KLHL29: variants seen among roughly 807,000 people sequenced by gnomAD.
KLHL29 encodes the protein kelch like family member 29.
A neutral mutation model predicts 80.4 loss-of-function variants in KLHL29; 21 were observed. The ratio of observed to expected loss-of-function variants is 0.26; its 90% confidence interval spans 0.19 to 0.38. The LOEUF is 0.38. Ranked by LOEUF, KLHL29 falls within the 10% of genes least tolerant of loss-of-function variation. The pLI, the probability that KLHL29 is intolerant of heterozygous loss-of-function variation, is 1.00. For synonymous variants in KLHL29, 511 were observed against 526.8 expected (o/e 0.97, Z 0.41); for missense variants, 867 against 1,223.9 (o/e 0.71, Z 4.35).
At chr2:23,492,406 C>T (rs1239639179) in intron 2 of KLHL29, among the ~76,000 whole-genome samples, 1 of 152,168 alleles carries the variant, frequency 6.6e-6, no homozygotes, top group African/African-American at 2.4e-5. Context: ...CTTCTGAAAA[C>T]CCCTGCACCC....
At chr2:23,410,030 T>A (rs1205930201) in intron 1 of KLHL29, among the ~76,000 whole-genome samples, 1 of 152,140 alleles carries the variant, frequency 6.6e-6, no homozygotes, top group Non-Finnish European at 1.5e-5. Flanking sequence ...TCAGAGAAAC[T>A]GGCATTAAGA....
intron 5 of KLHL29, among the ~76,000 whole-genome samples, chr2:23,662,059 A>G (rs1078345): frequency 0.16 from 24,219 of 152,216 alleles, 2,251 homozygotes; most frequent in Middle Eastern, 0.22. Context: ...ACTGAAGCAC[A>G]AGCTCCAGGT....
chr2:23,438,546 T>G (rs1299210089), intron 1 of KLHL29, among the ~76,000 whole-genome samples: 4 of 150,018 alleles, frequency 2.7e-5, no homozygotes, highest in Admixed American at 2.0e-4. Flanking sequence ...GTCAAAGGCC[T>G]TTTCTGCATC....
Position 23,703,346 on chromosome 2 carries a change from A to C in KLHL29, c.2266A>C (p.Asn756His). Residue 756 changes from asparagine to histidine, a missense_variant, in exon 12 of 14, where the codon AAC becomes CAC. Physicochemically the swap from Asn to His is moderately conservative, Grantham distance 68. This residue lies in a region of KLHL29 where 443 missense variants were observed against 767.0 expected (regional missense o/e 0.58). Coordinates refer to ENST00000486442, the MANE Select transcript of KLHL29 (RefSeq NM_052920.2). ...CCTCCAGTCTTACGTTCCTCAGACC[A>C]ACACGTGGAGCTTCATCGAGTCCCC... ...GVLQSYVPQT[N>H]TWSFIESPMI... The C allele has an allele frequency of 6.5e-7, 1 of 1,531,162 alleles. No homozygotes were observed. Among genetic ancestry groups the C allele is most frequent in the Non-Finnish European group, 8.8e-7 (1 of 1,139,026 alleles). 94.8% of individuals were successfully genotyped at this position (1,531,162 alleles called of 1,614,324 possible).
chr2:23,525,971 A>G (rs933543406), intron 2 of KLHL29, among the ~76,000 whole-genome samples: 1 of 152,202 alleles, frequency 6.6e-6, no homozygotes, highest in East Asian at 1.9e-4. Context: ...GGCCATGGCA[A>G]GTCACGTCCC....
At chr2:23,423,067 G>C (rs894574543) in intron 1 of KLHL29, among the ~76,000 whole-genome samples, 26 of 152,386 alleles carry the variant, frequency 1.7e-4, no homozygotes, top group African/African-American at 6.3e-4. Flanking sequence ...GGGCCTGGCT[G>C]TCATGGAGCC....
At chr2:23,515,745 T>G (rs1665901725) in intron 2 of KLHL29, among the ~76,000 whole-genome samples, 1 of 152,192 alleles carries the variant, frequency 6.6e-6, no homozygotes, top group Admixed American at 6.5e-5. Context: ...ATTGTATTAA[T>G]ACACAATTGT....
intron 2 of KLHL29, among the ~76,000 whole-genome samples, chr2:23,522,731 G>T (rs1666143295): frequency 6.6e-6 from 1 of 152,110 alleles, no homozygotes; most frequent in Non-Finnish European, 1.5e-5. Context: ...TCCAACCCAA[G>T]CCCTGAGTCT....
chr2:23,472,590 C>T (rs980840270), intron 1 of KLHL29, among the ~76,000 whole-genome samples: 2 of 152,128 alleles, frequency 1.3e-5, no homozygotes, highest in African/African-American at 2.4e-5. Context: ...GCCAAGATTG[C>T]GCCACTGCAC....
intron 1 of KLHL29, among the ~76,000 whole-genome samples, chr2:23,435,379 G>T (rs1663309399): frequency 6.6e-6 from 1 of 152,182 alleles, no homozygotes; most frequent in African/African-American, 2.4e-5. Flanking sequence ...TCAAGTGGAG[G>T]CTGAGCTAGG....
Position 23,525,669 on chromosome 2 carries a change from C to T in KLHL29, c.-45-36483C>T, listed in dbSNP as rs148001434. On this transcript the variant is annotated intron_variant, in intron 2 of 13. Coordinates refer to ENST00000486442, the MANE Select transcript of KLHL29 (RefSeq NM_052920.2). Reference sequence around the variant, plus strand: ...TTTGCCCTGCCTGGGAAGAGTAAGGCATGGAACCTGCTGGGACTTTCCTCG... The same window carrying T: ...TTTGCCCTGCCTGGGAAGAGTAAGGTATGGAACCTGCTGGGACTTTCCTCG... 6.2e-3 allele frequency among the ~76,000 whole-genome samples: 930 copies of T among 151,140 alleles called. 8 individuals are homozygous for T. Among genetic ancestry groups the T allele is most frequent in the African/African-American group, 0.021 (865 of 41,254 alleles).
At chr2:23,470,830 C>T (rs1391906694) in intron 1 of KLHL29, among the ~76,000 whole-genome samples, 2 of 152,290 alleles carry the variant, frequency 1.3e-5, no homozygotes, top group African/African-American at 4.8e-5. Flanking sequence ...CAGTGCCTTC[C>T]GGACCCCGGC....
At chr2:23,636,616 G>A (rs1407406640) in intron 3 of KLHL29, among the ~76,000 whole-genome samples, 1 of 152,214 alleles carries the variant, frequency 6.6e-6, no homozygotes, top group Non-Finnish European at 1.5e-5. Flanking sequence ...CTGTCCCACA[G>A]CAGCCACTTG....
rs956598805 is a variant in KLHL29, at chr2:23,562,388, C to A, written c.192C>A (p.Pro64=). The A allele has an allele frequency of 3.7e-4, 562 of 1,539,202 alleles. No individual in the cohort carries two copies. The highest frequency in any genetic ancestry group is 4.4e-4 in the Non-Finnish European group (502 of 1,146,064). The change falls in exon 3 of 14, where the codon CCC becomes CCA. Residue 64 remains proline, a synonymous_variant. Coordinates refer to ENST00000486442, the MANE Select transcript of KLHL29 (RefSeq NM_052920.2). This position sits in a 1 kb window ranked among gnomAD's most constrained non-coding sequence, Gnocchi z 4.5. The part of the protein sequence containing the change: ...LPLPVVPSRL[P]TPATAPAPCT... ...TGCCCGTGGTGCCCTCCCGGCTGCC[C>A]ACCCCGGCTACAGCTCCTGCTCCCT...
chr2:23,402,178 TGG>T (rs1666612876), intron 1 of KLHL29, among the ~76,000 whole-genome samples: 1 of 152,148 alleles, frequency 6.6e-6, no homozygotes, highest in South Asian at 2.1e-4. Flanking sequence ...GAGGGCCGTC[TGG>T]GTGAGGGGTC....
At chr2:23,641,940 C>T (rs752053905) in intron 4 of KLHL29, among the ~76,000 whole-genome samples, 3 of 152,114 alleles carry the variant, frequency 2.0e-5, no homozygotes, top group Non-Finnish European at 2.9e-5. Flanking sequence ...GCTGAGATCG[C>T]GCCACTACAC....
At chr2:23,644,577 G>A (rs1393332303) in intron 5 of KLHL29, among the ~76,000 whole-genome samples, 8 of 152,258 alleles carry the variant, frequency 5.3e-5, no homozygotes, top group African/African-American at 1.9e-4. Context: ...AAGCTGCTGG[G>A]TGCAGGCAGC....
chr2:23,696,345 C>T lies in KLHL29; in HGVS notation c.1937C>T (p.Ser646Leu), dbSNP rs1558446794. ...DNIYLSGGME[S>L]GVTLADVWCY... is the part of the protein sequence containing the mutation. ...ACACTGCCTCCAGGTGGGATGGAAT[C>T]AGGGGTGACGCTGGCTGATGTCTGG... Residue 646 changes from serine (S) to leucine (L), a missense_variant, in exon 11 of 14, where the codon TCA becomes TTA. Physicochemically the swap from Ser to Leu is moderately radical, Grantham distance 145. Coordinates refer to ENST00000486442, the MANE Select transcript of KLHL29 (RefSeq NM_052920.2). This position sits in a 1 kb window ranked among gnomAD's most constrained non-coding sequence, Gnocchi z 5.5. 6.4e-7 allele frequency: 1 copy of T among 1,551,578 alleles called. No individual in the cohort carries two copies. Among genetic ancestry groups the T allele is most frequent in the African/African-American group, 1.4e-5 (1 of 73,156 alleles).
chr2:23,560,866 G>C (rs978660965), intron 2 of KLHL29, among the ~76,000 whole-genome samples: 1 of 152,228 alleles, frequency 6.6e-6, no homozygotes, highest in African/African-American at 2.4e-5. Flanking sequence ...AGGTCTGGAT[G>C]TGCAAAGTCT....
Sources: gnomAD v4.1 joint callset for allele counts (sites outside exome capture counted in the v4.1 genomes callset) on GRCh38, gnomAD v4.1.1 for gene constraint, gnomAD v4.1.1 regional missense constraint, Gnocchi (gnomAD v3.1) non-coding constraint, MANE v1.5 for transcripts, NCBI Gene and HGNC (gene_info 2026-07-23, HGNC 2026-07-21) for gene names.